SEPTIN9: variants seen among roughly 807,000 people sequenced by gnomAD.
SEPTIN9 encodes the protein septin-9.
A neutral mutation model predicts 56.6 loss-of-function variants in SEPTIN9; 13 were observed. That is an observed-to-expected ratio of 0.23 (90% CI 0.15 to 0.37). SEPTIN9 has a LOEUF of 0.37. Among genes scored for constraint, SEPTIN9 ranks in the 10% least tolerant of loss-of-function variants. SEPTIN9 has a pLI of 1.00. For missense variants in SEPTIN9, 650 were observed against 823.1 expected (o/e 0.79, Z 2.57); for synonymous variants, 332 against 334.1 (o/e 0.99, Z 0.07).
intron 10 of SEPTIN9, chr17:77,493,286 C>A: frequency 3.5e-6 from 2 of 567,762 alleles, no homozygotes; most frequent in Non-Finnish European, 6.3e-6. Flanking sequence ...CCCCAGACCT[C>A]CCCCCGGGCA....
rs971011086 is a variant in SEPTIN9 at position 77,453,656 on chromosome 17, A to T, written c.722-28488A>T. On this transcript the variant is annotated intron_variant, in intron 3 of 11. Coordinates refer to ENST00000427177, the MANE Select transcript of SEPTIN9 (RefSeq NM_001113491.2). The surrounding 1 kb of genome is among the most constrained non-coding windows in gnomAD (Gnocchi z 4.4). Reference sequence around the variant, plus strand: ...TGGGCCTGGGATCTGTCCTCCGAACACTGGGTCCACTGTGCTCCACAAGGA... The same window carrying T: ...TGGGCCTGGGATCTGTCCTCCGAACTCTGGGTCCACTGTGCTCCACAAGGA... Among the ~76,000 whole-genome samples the T allele has an allele frequency of 6.7e-6, 1 of 150,198 alleles. No homozygotes were observed. Among genetic ancestry groups the T allele is most frequent in the Non-Finnish European group, 1.5e-5 (1 of 67,754 alleles).
At chr17:77,315,723 C>T (rs559797135) in intron 2 of SEPTIN9, among the ~76,000 whole-genome samples, 6 of 152,358 alleles carry the variant, frequency 3.9e-5, no homozygotes, top group Admixed American at 1.3e-4. Flanking sequence ...AAGTGGCCTT[C>T]GCTCTTCCTT....
intron 3 of SEPTIN9, among the ~76,000 whole-genome samples, chr17:77,431,214 TAGG>T (rs764196661): frequency 7.5e-4 from 114 of 151,342 alleles, no homozygotes; most frequent in Middle Eastern, 6.9e-3. Context: ...GAGGCTCAGG[TAGG>T]AGGATTGCTT....
chr17:77,284,511 G>A (rs1188242367), intron 1 of SEPTIN9, among the ~76,000 whole-genome samples: 1 of 152,228 alleles, frequency 6.6e-6, no homozygotes, highest in Non-Finnish European at 1.5e-5. Flanking sequence ...GCTCAGAGCC[G>A]CCAGCCCCTT....
chr17:77,399,969 T>C (rs1223755353), intron 2 of SEPTIN9, among the ~76,000 whole-genome samples: 4 of 151,912 alleles, frequency 2.6e-5, no homozygotes, highest in African/African-American at 7.3e-5. Flanking sequence ...CCCTGCGGTG[T>C]TTTATTTTAT....
intron 11 of SEPTIN9, among the ~76,000 whole-genome samples, chr17:77,498,011 C>T (rs2040346387): frequency 6.6e-6 from 1 of 152,134 alleles, no homozygotes; most frequent in African/African-American, 2.4e-5. Flanking sequence ...CAGATTATTC[C>T]TCCTGAGCTG....
intron 3 of SEPTIN9, among the ~76,000 whole-genome samples, chr17:77,409,931 A>G (rs1193604543): frequency 1.3e-5 from 2 of 152,190 alleles, no homozygotes; most frequent in South Asian, 2.1e-4. Context: ...GGAGGATGCC[A>G]TGTGGTCCAC....
intron 1 of SEPTIN9, chr17:77,288,208 C>T: frequency 1.9e-6 from 2 of 1,050,950 alleles, no homozygotes; most frequent in African/African-American, 1.7e-5. Context: ...AGTCTCTGTC[C>T]AGGTGGGTGC....
At chr17:77,394,282 C>T (rs1294418110) in intron 2 of SEPTIN9, among the ~76,000 whole-genome samples, 2 of 152,350 alleles carry the variant, frequency 1.3e-5, no homozygotes, top group African/African-American at 4.8e-5. Flanking sequence ...TGCTGCTGGA[C>T]TCACTCTGTA....
intron 3 of SEPTIN9, among the ~76,000 whole-genome samples, chr17:77,467,877 A>G (rs1185037471): frequency 6.6e-6 from 1 of 152,118 alleles, no homozygotes; most frequent in East Asian, 1.9e-4. Context: ...TCACTCATTC[A>G]CAGCGTCTTA....
At position 77,425,770 on chromosome 17, in the gene SEPTIN9, G is replaced by A. The variant is rs1363885770; in HGVS notation, c.721+23067G>A. Among the ~76,000 whole-genome samples the A allele has an allele frequency of 6.6e-6, 1 of 151,824 alleles. No individual in the cohort carries two copies. The highest frequency in any genetic ancestry group is 2.4e-5 in the African/African-American group (1 of 41,254). Reference sequence around the variant, plus strand: ...ATCTACCCCCCAACCCTCCCAGCCAGCAGAGTTTTACCTGTGTGCTTAGAA... The same window carrying A: ...ATCTACCCCCCAACCCTCCCAGCCAACAGAGTTTTACCTGTGTGCTTAGAA... On this transcript the variant is annotated intron_variant, in intron 3 of 11. Transcript: ENST00000427177. The surrounding 1 kb of genome is among the most constrained non-coding windows in gnomAD (Gnocchi z 4.2).
At chr17:77,470,020 C>T (rs940194200) in intron 3 of SEPTIN9, among the ~76,000 whole-genome samples, 5 of 151,336 alleles carry the variant, frequency 3.3e-5, no homozygotes, top group Non-Finnish European at 7.4e-5. Flanking sequence ...CCCATCCACT[C>T]ATCCACCTAT....
At chr17:77,339,757 G>A (rs578002617) in intron 2 of SEPTIN9, among the ~76,000 whole-genome samples, 9 of 152,014 alleles carry the variant, frequency 5.9e-5, no homozygotes, top group African/African-American at 2.2e-4. Context: ...TGATCCACCT[G>A]CCTCAGCCTC....
In SEPTIN9 at chr17:77,482,309, G is replaced by T. The variant is rs2039488265; in HGVS notation, c.887G>T (p.Gly296Val). Residue 296 changes from glycine (G) to valine (V), a missense_variant, in exon 4 of 12, where the codon GGC becomes GTC. Gly to Val is a moderately radical substitution (Grantham distance 109). This residue lies in a region of SEPTIN9 where 333 missense variants were observed against 494.0 expected (regional missense o/e 0.67). Coordinates refer to ENST00000427177, the MANE Select transcript of SEPTIN9 (RefSeq NM_001113491.2). ...EQMRRKAMKQ[G>V]FEFNIMVVGQ... ...ATGCGCCGGAAGGCCATGAAGCAGG[G>T]CTTCGAGTTCAACATCATGGTGGTC... The T allele has an allele frequency of 1.9e-6, 3 of 1,612,868 alleles. No homozygotes were observed. Among genetic ancestry groups the T allele is most frequent in the Non-Finnish European group, 2.5e-6 (3 of 1,179,884 alleles).
At chr17:77,414,556 C>T (rs929213115) in intron 3 of SEPTIN9, among the ~76,000 whole-genome samples, 14 of 149,594 alleles carry the variant, frequency 9.4e-5, no homozygotes, top group East Asian at 1.9e-4. Flanking sequence ...ATATTTCCTT[C>T]CTATCTGTGT....
intron 1 of SEPTIN9, among the ~76,000 whole-genome samples, chr17:77,292,042 C>A (rs1408873082): frequency 1.3e-5 from 2 of 152,208 alleles, no homozygotes; most frequent in Non-Finnish European, 2.9e-5. Flanking sequence ...TTCCTTTTCA[C>A]CACGGCAGTC....
intron 2 of SEPTIN9, among the ~76,000 whole-genome samples, chr17:77,356,865 G>C (rs956712695): frequency 6.7e-6 from 1 of 149,370 alleles, no homozygotes; most frequent in Non-Finnish European, 1.5e-5. Flanking sequence ...GCTCATGCAG[G>C]CTGGCTGTCA....
At chr17:77,386,489 G>A (rs2035341317) in intron 2 of SEPTIN9, among the ~76,000 whole-genome samples, 1 of 152,256 alleles carries the variant, frequency 6.6e-6, no homozygotes, top group South Asian at 2.1e-4. Context: ...GCTGGGCTGA[G>A]TTGGCAGCTC....
At chr17:77,460,282 G>A (rs1293771461) in intron 3 of SEPTIN9, among the ~76,000 whole-genome samples, 1 of 152,090 alleles carries the variant, frequency 6.6e-6, no homozygotes, top group Admixed American at 6.5e-5. Context: ...CCCCCGAGGG[G>A]CCCTGGTGTT....
Sources: gnomAD v4.1 joint callset for allele counts (sites outside exome capture counted in the v4.1 genomes callset) on GRCh38, gnomAD v4.1.1 for gene constraint, gnomAD v4.1.1 regional missense constraint, Gnocchi (gnomAD v3.1) non-coding constraint, MANE v1.5 for transcripts, NCBI Gene and HGNC (gene_info 2026-07-23, HGNC 2026-07-21) for gene names.